The following OXNAD1 variants were observed in gnomAD, a reference collection of about 807,000 sequenced individuals.
OXNAD1 encodes the protein oxidoreductase NAD-binding domain-containing protein 1.
OXNAD1 carries 34 observed loss-of-function variants against 32.9 expected under a neutral mutation model. The observed-to-expected ratio is 1.03, with a 90% confidence interval of 0.79 to 1.38. The LOEUF is 1.38. Among genes scored for constraint, OXNAD1 ranks in the 40% most tolerant of loss-of-function variants. The probability of loss-of-function intolerance (pLI) is 0.00; values close to 1 mark genes in which losing one functional copy is unlikely to be tolerated. For missense variants in OXNAD1, 407 were observed against 379.4 expected, an observed-to-expected ratio of 1.07 and a Z score of -0.60; for synonymous variants, 134 against 135.2, an observed-to-expected ratio of 0.99 and a Z score of 0.06.
At chr3:16,337,593 T>G (rs149206579), downstream of OXNAD1, among the ~76,000 whole-genome samples, 23 of 151,786 alleles carry the variant, frequency 1.5e-4, no homozygotes, top group African/African-American at 5.1e-4. The surrounding 1 kb of genome is among the most constrained non-coding windows in gnomAD (Gnocchi z 5.0). Flanking sequence ...AATACAAAAA[T>G]TAGCCAAGCA....
chr3:16,324,646 TTGTGTGTGTG>T lies in OXNAD1; in HGVS notation c.*31-12436_*31-12427del, dbSNP rs71632869. 7.4e-4 allele frequency among the ~76,000 whole-genome samples: 74 copies of T among 100,472 alleles called. 1 individual carries two copies. Among genetic ancestry groups the T allele is most frequent in the Admixed American group, 3.2e-3 (29 of 8,998 alleles). 65.9% of individuals were successfully genotyped at this position (100,472 alleles called of 152,430 possible). On this transcript the variant is annotated intron_variant, in intron 9 of 9. Coordinates refer to the OXNAD1 transcript ENST00000435829. ...CCTTTTAAGGTTGCATAGTATTCCA[TTGTGTGTGTG>T]TGTGTGTGTGTGTGTGTGTGTGTGT...
chr3:16,333,961 C>T (rs555940833), intron 9 of OXNAD1, among the ~76,000 whole-genome samples: 47 of 152,090 alleles, frequency 3.1e-4, no homozygotes, highest in Middle Eastern at 3.4e-3. Flanking sequence ...GTCAGGAGAT[C>T]GAGACCATCC....
chr3:16,298,938 A>G lies in OXNAD1; in HGVS notation c.433-2688A>G, dbSNP rs1470520508. On this transcript the variant is annotated intron_variant, in intron 6 of 8. Transcript: ENST00000285083. The surrounding 1 kb of genome is among the most constrained non-coding windows in gnomAD (Gnocchi z 5.1). The stretch of plus-strand genomic sequence containing the variant: ...CCCTCGCAGTTTTTATTGATCAACA[A>G]AAAGACAAAGATGGCTTTTAATTCT... Among the ~76,000 whole-genome samples, 2 of 152,338 alleles carry G rather than the reference A, an allele frequency of 1.3e-5. No individual in the cohort carries two copies. The highest frequency in any genetic ancestry group is 2.9e-5 in the Non-Finnish European group (2 of 68,026).
rs1018490549 is a variant in OXNAD1, at chr3:16,271,931, T to A, written c.183+209T>A. Among the ~76,000 whole-genome samples, 19 of 152,316 alleles carry A rather than the reference T, an allele frequency of 1.2e-4. No individual in the cohort carries two copies. Among genetic ancestry groups the A allele is most frequent in the African/African-American group, 4.6e-4 (19 of 41,570 alleles). On this transcript the variant is annotated intron_variant, in intron 4 of 8. Transcript: ENST00000285083. The surrounding 1 kb of genome is among the most constrained non-coding windows in gnomAD (Gnocchi z 4.6). ...ATACTCAAATTTTTCCCTTTAAACTTGGAATGAATGGATTACCTTTTGATG... is the reference window on the plus strand; with the variant it reads ...ATACTCAAATTTTTCCCTTTAAACTAGGAATGAATGGATTACCTTTTGATG...
rs905848970 is a variant in OXNAD1 at position 16,312,815 on chromosome 3, C to T, written c.*30+9223C>T. Among the ~76,000 whole-genome samples, 9 of 152,170 alleles carry T rather than the reference C, an allele frequency of 5.9e-5. No individual in the cohort carries two copies. Among genetic ancestry groups the T allele is most frequent in the African/African-American group, 1.7e-4 (7 of 41,438 alleles). ...TTTGGAAGCTGCTCCCATCAAGCAT[C>T]AGCAACTCTAGTGAAGCATGGTCAA... is the stretch of plus-strand genomic sequence containing the variant. On this transcript the variant is annotated intron_variant, in intron 9 of 9. Transcript: ENST00000435829. The surrounding 1 kb of genome is among the most constrained non-coding windows in gnomAD (Gnocchi z 4.7).
rs1005412131 is a variant in OXNAD1 at position 16,327,954 on chromosome 3, C to T, written c.*31-9158C>T. On this transcript the variant is annotated intron_variant, in intron 9 of 9. Coordinates refer to the OXNAD1 transcript ENST00000435829. This position sits in a 1 kb window ranked among gnomAD's most constrained non-coding sequence, Gnocchi z 4.2. ...CTGCTCTGTGTGTAACTGGACTCCT[C>T]ATCCCTCATAGTTTGGCTTCTTGTA... 4.6e-5 allele frequency among the ~76,000 whole-genome samples: 7 copies of T among 152,228 alleles called. No homozygotes were observed. The highest frequency in any genetic ancestry group is 4.1e-4 in the South Asian group (2 of 4,834).
intron 9 of OXNAD1, among the ~76,000 whole-genome samples, chr3:16,331,400 TTAAAG>T (rs1167290620): frequency 6.6e-6 from 1 of 152,240 alleles, no homozygotes; most frequent in Non-Finnish European, 1.5e-5. Flanking sequence ...ATTTTGTAAT[TTAAAG>T]TAAATCAAAA....
chr3:16,343,791 G>T (rs2071466566), intron 9 of OXNAD1, among the ~76,000 whole-genome samples: 1 of 152,230 alleles, frequency 6.6e-6, no homozygotes, highest in African/African-American at 2.4e-5. Context: ...GCTGGTCCCT[G>T]ACTCAAGGAG....
At chr3:16,311,756 T>C (rs765448476) in intron 9 of OXNAD1, among the ~76,000 whole-genome samples, 1 of 151,978 alleles carries the variant, frequency 6.6e-6, no homozygotes, top group African/African-American at 2.4e-5. Flanking sequence ...CTGGGATCCC[T>C]GCATTTTCCT....
chr3:16,341,998 ATTATCT>A (rs2071348537), downstream of OXNAD1, among the ~76,000 whole-genome samples: 2 of 152,194 alleles, frequency 1.3e-5, no homozygotes, highest in Non-Finnish European at 2.9e-5. This position sits in a 1 kb window ranked among gnomAD's most constrained non-coding sequence, Gnocchi z 4.7. Context: ...TATTTTCTAA[ATTATCT>A]TTAATGACCA....
At chr3:16,338,373 C>T (rs370789752), downstream of OXNAD1, among the ~76,000 whole-genome samples, 67 of 152,316 alleles carry the variant, frequency 4.4e-4, no homozygotes, top group African/African-American at 1.4e-3. The surrounding 1 kb of genome is among the most constrained non-coding windows in gnomAD (Gnocchi z 5.3). Context: ...AACTCTGACC[C>T]GTAGCAGGGA....
chr3:16,269,692 G>A (rs1241877874), intron 2 of OXNAD1, among the ~76,000 whole-genome samples: 1 of 152,204 alleles, frequency 6.6e-6, no homozygotes, highest in Non-Finnish European at 1.5e-5. Flanking sequence ...GTGGACTCTT[G>A]ATAGATACTC....
chr3:16,337,480 A>G (rs1559831501), downstream of OXNAD1: 1 of 152,236 alleles, frequency 6.6e-6, no homozygotes, highest in Non-Finnish European at 1.5e-5. The surrounding 1 kb of genome is among the most constrained non-coding windows in gnomAD (Gnocchi z 5.0). Context: ...TCAGTGGCTC[A>G]CGCCTGTAAT....
At chr3:16,268,313 C>CTTTTTTTTTTTTTTTTTTTTTTTT (rs531751365) in intron 1 of OXNAD1, among the ~76,000 whole-genome samples, 2 of 61,004 alleles carry the variant, frequency 3.3e-5, no homozygotes, top group East Asian at 6.8e-4. Flanking sequence ...AAGAGAACTC[C>CTTTTTTTTTTTTTTTTTTTTTTTT]TTTTTTTTTT....
rs940183997 is a variant in OXNAD1 at position 16,329,547 on chromosome 3, G to T, written c.*31-7565G>T. 6.6e-5 allele frequency among the ~76,000 whole-genome samples: 10 copies of T among 152,048 alleles called. No individual in the cohort carries two copies. The highest frequency in any genetic ancestry group is 2.4e-4 in the African/African-American group (10 of 41,396). Reference sequence around the variant, plus strand: ...CTTTCTGCCTGGCCTCTGGGCACACGCACACCTCCCTTCCAGACCAGCACA... The same window carrying T: ...CTTTCTGCCTGGCCTCTGGGCACACTCACACCTCCCTTCCAGACCAGCACA... On this transcript the variant is annotated intron_variant, in intron 9 of 9. Transcript: ENST00000435829. The surrounding 1 kb of genome is among the most constrained non-coding windows in gnomAD (Gnocchi z 4.5).
In OXNAD1 at chr3:16,316,207, G is replaced by A. The variant is rs1170662927; in HGVS notation, c.*30+12615G>A. ...TTCCTTGAACATTCTGCAAAAGTAGGTGCAGAGACAGAATTACTTCTTCAT... is the reference window on the plus strand; with the variant it reads ...TTCCTTGAACATTCTGCAAAAGTAGATGCAGAGACAGAATTACTTCTTCAT... On this transcript the variant is annotated intron_variant, in intron 9 of 9. Coordinates refer to the OXNAD1 transcript ENST00000435829. This position sits in a 1 kb window ranked among gnomAD's most constrained non-coding sequence, Gnocchi z 4.5. 2 of 154,074 alleles carry A rather than the reference G, an allele frequency of 1.3e-5. No individual in the cohort carries two copies. Among genetic ancestry groups the A allele is most frequent in the Admixed American group, 6.5e-5 (1 of 15,310 alleles). The allele number at this position is 154,074 out of a possible 1,614,324, so 9.5% of individuals were successfully genotyped here.
At chr3:16,326,740 C>A in intron 9 of OXNAD1, 1 of 1,504,918 alleles carries the variant, frequency 6.6e-7, no homozygotes, top group South Asian at 1.1e-5. Context: ...AGTAAGTGTT[C>A]AATAGAATCC....
intron 4 of OXNAD1, among the ~76,000 whole-genome samples, chr3:16,279,467 T>C (rs2065594769): frequency 6.6e-6 from 1 of 151,798 alleles, no homozygotes; most frequent in African/African-American, 2.4e-5. Context: ...AAATTTGAAA[T>C]GGAAATTAAA....
At chr3:16,311,055 C>CAGTT (rs1023265380), downstream of OXNAD1, among the ~76,000 whole-genome samples, 1 of 149,080 alleles carries the variant, frequency 6.7e-6, no homozygotes, top group Non-Finnish European at 1.5e-5. Flanking sequence ...AGAACCAAGA[C>CAGTT]AGTTGGTTCC....
Sources: allele counts gnomAD v4.1 joint callset (sites outside exome capture counted in the v4.1 genomes callset), GRCh38; gene constraint gnomAD v4.1.1; non-coding constraint Gnocchi (gnomAD v3.1); transcripts MANE v1.5; gene names NCBI Gene and HGNC (gene_info 2026-07-23, HGNC 2026-07-21).